TMEM181: variants seen among roughly 807,000 people sequenced by gnomAD.
TMEM181 encodes the protein G protein-coupled receptor 178.
TMEM181 carries 39 observed loss-of-function variants against 71.9 expected under a neutral mutation model. The ratio of observed to expected loss-of-function variants is 0.54; its 90% confidence interval spans 0.42 to 0.71. TMEM181 has a LOEUF of 0.71. Ranked by LOEUF, TMEM181 falls within the 30% of genes least tolerant of loss-of-function variation. TMEM181 has a pLI of 0.00. For missense variants in TMEM181, 595 were observed against 583.0 expected, an observed-to-expected ratio of 1.02 and a Z score of -0.21; for synonymous variants, 245 against 228.8, an observed-to-expected ratio of 1.07 and a Z score of -0.64.
rs1342117357 is a variant in TMEM181, at chr6:158,562,445, T to TC, written c.8+2213_8+2214insC. On this transcript the variant is annotated intron_variant, in intron 1 of 16. Coordinates refer to ENST00000684151, the MANE Select transcript of TMEM181 (RefSeq NM_001376852.1). ...CTCTGCAAATTTAAATAAGGCTGTT[T>TC]TTGTGTGTGTGTGTGTGTGTGTGTG... Among the ~76,000 whole-genome samples, 16 of 135,812 alleles carry TC rather than the reference T, an allele frequency of 1.2e-4. No homozygotes were observed. In the South Asian group the frequency reaches 3.7e-3, roughly 32 times the overall value. The allele number at this position is 135,812 out of a possible 152,430, so 89.1% of individuals were successfully genotyped here. A position where few individuals can be genotyped will look rare whatever the true frequency, so the allele number is the denominator to read the frequency against.
chr6:158,606,836 A>G (rs1784983873), intron 7 of TMEM181, among the ~76,000 whole-genome samples: 1 of 152,210 alleles, frequency 6.6e-6, no homozygotes, highest in African/African-American at 2.4e-5. Context: ...GGCTCCTGTC[A>G]CACCCACAGA....
At chr6:158,548,370 C>T (rs2128280253) in intron 1 of TMEM181, among the ~76,000 whole-genome samples, 1 of 152,262 alleles carries the variant, frequency 6.6e-6, no homozygotes, top group Middle Eastern at 3.4e-3. Flanking sequence ...CTAAGACATT[C>T]TTTAAATGTT....
At chr6:158,631,456 A>T (rs1304889729) in intron 16 of TMEM181, 67 bp downstream of exon 16, 16 of 1,492,000 alleles carry the variant, frequency 1.1e-5, no homozygotes, top group Non-Finnish European at 1.5e-5. Context: ...CATGTTTCTG[A>T]ATGGGTTACT....
At chr6:158,605,140 GTGTGTGT>G in intron 6 of TMEM181, 120 bp from the exon 7 acceptor site, 1 of 499,072 alleles carries the variant, frequency 2.0e-6, no homozygotes, top group Middle Eastern at 6.0e-4. Context: ...AAGTGTGTGT[GTGTGTGT>G]GTGTGTGTGT....
intron 1 of TMEM181, among the ~76,000 whole-genome samples, chr6:158,563,700 A>G (rs550706034): frequency 8.5e-5 from 13 of 152,334 alleles, no homozygotes; most frequent in African/African-American, 3.1e-4. Flanking sequence ...CTGGGCTTGC[A>G]ATCTGGAAAG....
At chr6:158,560,085 T>G, upstream of TMEM181, 1 of 985,006 alleles carries the variant, frequency 1.0e-6, no homozygotes, top group Non-Finnish European at 1.2e-6. Flanking sequence ...GGCGTCGCGC[T>G]CTGATGAGTT....
intron 6 of TMEM181, among the ~76,000 whole-genome samples, chr6:158,603,996 T>G (rs1784806844): frequency 6.6e-6 from 1 of 152,256 alleles, no homozygotes; most frequent in Admixed American, 6.5e-5. Flanking sequence ...GCATGAAGTC[T>G]TGAGGCTTAT....
intron 1 of TMEM181, among the ~76,000 whole-genome samples, chr6:158,564,137 T>G (rs1241869118): frequency 1.3e-5 from 2 of 152,210 alleles, no homozygotes; most frequent in Admixed American, 6.5e-5. Flanking sequence ...TGATTGAAAT[T>G]TTAGAGTTCC....
At chr6:158,549,009 T>C (rs1781633313) in intron 1 of TMEM181, among the ~76,000 whole-genome samples, 1 of 152,092 alleles carries the variant, frequency 6.6e-6, no homozygotes, top group Admixed American at 6.5e-5. Flanking sequence ...CTCACCAGGC[T>C]TTGTTATTGT....
At chr6:158,551,842 A>G (rs1454165098) in intron 1 of TMEM181, among the ~76,000 whole-genome samples, 1 of 152,350 alleles carries the variant, frequency 6.6e-6, no homozygotes, top group Non-Finnish European at 1.5e-5. Context: ...AAAGTTTCCT[A>G]TGGAGCAAGT....
chr6:158,610,295 G>C (rs1257539849), intron 10 of TMEM181: 1 of 289,954 alleles, frequency 3.4e-6, no homozygotes, highest in Non-Finnish European at 7.0e-6. Context: ...AAATGAGGGT[G>C]ACAGCCAAAG....
chr6:158,593,440 A>C (rs926695719), intron 6 of TMEM181, among the ~76,000 whole-genome samples: 1 of 152,220 alleles, frequency 6.6e-6, no homozygotes, highest in Non-Finnish European at 1.5e-5. Context: ...CTGAAAAGAA[A>C]ATTATTTGAA....
chr6:158,621,960 T>A (rs1477601222), intron 10 of TMEM181, among the ~76,000 whole-genome samples: 1 of 152,180 alleles, frequency 6.6e-6, no homozygotes, highest in Non-Finnish European at 1.5e-5. Context: ...CTCGCCCACC[T>A]GCCCTGGGCT....
chr6:158,614,941 T>TA (rs1301342915), intron 10 of TMEM181, among the ~76,000 whole-genome samples: 1 of 152,258 alleles, frequency 6.6e-6, no homozygotes, highest in Non-Finnish European at 1.5e-5. Context: ...AGTGCTGCAA[T>TA]AAACATACGT....
At chr6:158,579,885 A>C (rs971023592) in intron 2 of TMEM181, among the ~76,000 whole-genome samples, 3 of 152,214 alleles carry the variant, frequency 2.0e-5, no homozygotes, top group African/African-American at 7.2e-5. Context: ...TCATCAAGAC[A>C]GAAAGTAGAG....
intron 10 of TMEM181, 144 bp from the exon 11 acceptor site, chr6:158,623,406 G>T: frequency 3.9e-6 from 2 of 513,420 alleles, no homozygotes; most frequent in Middle Eastern, 5.3e-4. Context: ...ATAAATTTAG[G>T]ATTGCTTTGT....
chr6:158,577,631 CCA>C (rs1266021219), intron 2 of TMEM181, among the ~76,000 whole-genome samples: 24 of 152,096 alleles, frequency 1.6e-4, no homozygotes, highest in Admixed American at 1.5e-3. Context: ...TGAAAGAGAC[CCA>C]CACCAAGATA....
intron 10 of TMEM181, among the ~76,000 whole-genome samples, chr6:158,619,323 T>A (rs959113000): frequency 6.6e-6 from 1 of 152,240 alleles, no homozygotes; most frequent in Admixed American, 6.5e-5. Context: ...GTAGTTCTTA[T>A]GCCATGGTTT....
At position 158,623,536 on chromosome 6, in the gene TMEM181, A is replaced by T. The variant is rs764073245; in HGVS notation, c.897-14A>T. The T allele has an allele frequency of 6.7e-7, 1 of 1,493,090 alleles. No individual in the cohort carries two copies. The highest frequency in any genetic ancestry group is 1.3e-5 in the South Asian group (1 of 75,446). The allele number at this position is 1,493,090 out of a possible 1,614,324, so 92.5% of individuals were successfully genotyped here. A position where few individuals can be genotyped will look rare whatever the true frequency, so the allele number is the denominator to read the frequency against. ...AGTTATTAATCTATAATTATTTATA[A>T]TGTCAATTTTTAGAGTTAACGAATT... On this transcript the variant is annotated splice_polypyrimidine_tract_variant and intron_variant, in intron 10 of 16. Coordinates refer to ENST00000684151, the MANE Select transcript of TMEM181 (RefSeq NM_001376852.1).
Sources: allele counts gnomAD v4.1 joint callset (sites outside exome capture counted in the v4.1 genomes callset), GRCh38; gene constraint gnomAD v4.1.1; transcripts MANE v1.5; gene names NCBI Gene and HGNC (gene_info 2026-07-23, HGNC 2026-07-21).